The following MAP2 variants were observed in gnomAD, a reference collection of about 807,000 sequenced individuals.
The protein encoded by MAP2 is microtubule-associated protein 2.
MAP2 carries 14 observed loss-of-function variants against 137.6 expected under a neutral mutation model. That is an observed-to-expected ratio of 0.10 (90% confidence interval 0.07 to 0.16). The LOEUF (loss-of-function observed/expected upper bound fraction) is 0.16, where lower values mean the gene tolerates loss of function less well. MAP2 is among the 10% of genes least tolerant of loss of function. MAP2 has a pLI of 1.00. For synonymous variants in MAP2, 786 were observed against 782.3 expected (o/e 1.00, Z -0.08); for missense variants, 2,088 against 2,191.5 (o/e 0.95, Z 0.94).
At chr2:209,470,917 C>T (rs1575585441) in intron 1 of MAP2, among the ~76,000 whole-genome samples, 1 of 152,172 alleles carries the variant, frequency 6.6e-6, no homozygotes, top group South Asian at 2.1e-4. Flanking sequence ...TCCCATATCT[C>T]CTGAACATGC....
intron 1 of MAP2, among the ~76,000 whole-genome samples, chr2:209,498,800 C>G (rs549835539): frequency 2.0e-5 from 3 of 152,192 alleles, no homozygotes; most frequent in Middle Eastern, 3.2e-3. Context: ...TAAGGCTGTG[C>G]CAGGCAATGG....
intron 2 of MAP2, among the ~76,000 whole-genome samples, chr2:209,559,773 A>T (rs111756685): frequency 0.012 from 1,754 of 151,986 alleles, 33 homozygotes; most frequent in African/African-American, 0.041. Flanking sequence ...GTGCAACAAG[A>T]TGTCCAGAGA....
rs111869490 is a variant in MAP2, at chr2:209,729,765, G to A, written c.5156-85G>A. ...AAAGTTAATAAATTTGTGGTTTGCCGTAGTCTATCTACTGCAGTCATTTTT... is the reference window on the plus strand; with the variant it reads ...AAAGTTAATAAATTTGTGGTTTGCCATAGTCTATCTACTGCAGTCATTTTT... On this transcript the variant is annotated intron_variant, in intron 14 of 15. Coordinates refer to ENST00000682079, the MANE Select transcript of MAP2 (RefSeq NM_001375505.1). 2.3e-3 allele frequency: 1,823 copies of A among 806,316 alleles called. 26 individuals carry two copies. The African/African-American group carries it at 0.026, about 12-fold the overall frequency. The allele number at this position is 806,316 out of a possible 1,614,324, so 49.9% of individuals were successfully genotyped here.
At chr2:209,563,448 T>C (rs1450713408) in intron 2 of MAP2, among the ~76,000 whole-genome samples, 2 of 152,154 alleles carry the variant, frequency 1.3e-5, no homozygotes, top group Admixed American at 6.5e-5. Flanking sequence ...TATAAAAGAT[T>C]TTCATTGTTA....
At chr2:209,514,308 G>A (rs1410089720) in intron 2 of MAP2, among the ~76,000 whole-genome samples, 1 of 151,874 alleles carries the variant, frequency 6.6e-6, no homozygotes, top group Admixed American at 6.6e-5. Flanking sequence ...AGCTTCAAAT[G>A]TCTTTGGGGT....
intron 1 of MAP2, among the ~76,000 whole-genome samples, chr2:209,468,843 G>C (rs954255683): frequency 4.6e-5 from 7 of 152,114 alleles, no homozygotes; most frequent in African/African-American, 1.4e-4. Flanking sequence ...TAGTAGGTGA[G>C]GAAACAGGAG....
chr2:209,675,492 TG>T (rs1400081609), intron 5 of MAP2, among the ~76,000 whole-genome samples: 2 of 151,924 alleles, frequency 1.3e-5, no homozygotes, highest in Non-Finnish European at 2.9e-5. Context: ...TATACTGAAC[TG>T]GAGACAGGTA....
chr2:209,656,167 G>A (rs1307361370), intron 5 of MAP2, among the ~76,000 whole-genome samples: 2 of 151,952 alleles, frequency 1.3e-5, no homozygotes, highest in Non-Finnish European at 2.9e-5. Flanking sequence ...GTGTATCCTT[G>A]ATCTTATGCA....
intron 1 of MAP2, among the ~76,000 whole-genome samples, chr2:209,475,725 T>TA (rs1033710214): frequency 1.3e-5 from 2 of 152,140 alleles, no homozygotes; most frequent in African/African-American, 4.8e-5. Context: ...TCTTTGTATC[T>TA]ATGTATTCTA....
chr2:209,573,285 T>A (rs1397645827), intron 2 of MAP2, among the ~76,000 whole-genome samples: 4 of 149,726 alleles, frequency 2.7e-5, no homozygotes, highest in Admixed American at 6.6e-5. Flanking sequence ...CTTTTCTTTA[T>A]TTTTCTTTTT....
intron 13 of MAP2, chr2:209,723,780 C>G: frequency 1.2e-6 from 1 of 809,592 alleles, no homozygotes; most frequent in South Asian, 1.5e-5. Context: ...CTTTCCAACA[C>G]ACTGCTCCTT....
intron 5 of MAP2, among the ~76,000 whole-genome samples, chr2:209,676,379 C>T (rs1292597373): frequency 1.3e-5 from 2 of 151,468 alleles, no homozygotes; most frequent in African/African-American, 4.8e-5. Context: ...CACACTGGGG[C>T]CTATTGGAAG....
At chr2:209,665,552 TAA>T (rs1267494757) in intron 5 of MAP2, among the ~76,000 whole-genome samples, 3 of 152,218 alleles carry the variant, frequency 2.0e-5, no homozygotes, top group Admixed American at 1.3e-4. Flanking sequence ...TTGGATATTC[TAA>T]GTCATGGATT....
chr2:209,511,807 A>G (rs2061761551), intron 2 of MAP2, among the ~76,000 whole-genome samples: 1 of 152,076 alleles, frequency 6.6e-6, no homozygotes, highest in African/African-American at 2.4e-5. Flanking sequence ...CCTGGCTTAA[A>G]GCGATCCTCC....
rs147770023 is a variant in MAP2 at position 209,731,504 on chromosome 2, A to G, written c.*1107A>G. On this transcript the variant is annotated 3_prime_UTR_variant, in exon 16 of 16. Transcript: ENST00000682079. ...TTTGTGGGGGTGGGTCCAGTTATAC[A>G]TGAAAGGGTTTACAGATTGTTGGTT... The G allele has an allele frequency of 3.3e-5, 5 of 152,600 alleles. No homozygotes were observed. The highest frequency in any genetic ancestry group is 7.3e-5 in the Non-Finnish European group (5 of 68,040). 9.5% of individuals were successfully genotyped at this position (152,600 alleles called of 1,614,324 possible). A position where few individuals can be genotyped will look rare whatever the true frequency, so the allele number is the denominator to read the frequency against.
At chr2:209,718,076 C>G (rs2068492952) in intron 13 of MAP2, among the ~76,000 whole-genome samples, 1 of 152,148 alleles carries the variant, frequency 6.6e-6, no homozygotes, top group Non-Finnish European at 1.5e-5. Flanking sequence ...GTGAAAGCTA[C>G]TTAAGATCAG....
chr2:209,487,132 G>A (rs766088650), intron 1 of MAP2, among the ~76,000 whole-genome samples: 9 of 152,110 alleles, frequency 5.9e-5, no homozygotes, highest in Non-Finnish European at 1.0e-4. Flanking sequence ...CTCTTTTGGG[G>A]ATTTGCAATT....
Position 209,694,659 on chromosome 2 carries a change from G to A in MAP2, c.2489G>A (p.Arg830Lys), listed in dbSNP as rs1480327682. ...GTGAGTGCAGATGCTGAGGTTGCCA[G>A]GAGGAAATCAGTCCCATCAGAGACT... ...ASVSADAEVARRKSVPSETVV... is the reference protein window; with the variant it reads ...ASVSADAEVAKRKSVPSETVV... The change falls in exon 8 of 16, where the codon AGG becomes AAG. Residue 830 changes from arginine (R) to lysine (K), a missense_variant. By Grantham distance (26) the Arg-to-Lys change is conservative. Coordinates refer to ENST00000682079, the MANE Select transcript of MAP2 (RefSeq NM_001375505.1). 2 of 1,614,160 alleles carry A rather than the reference G, an allele frequency of 1.2e-6. No individual in the cohort carries two copies. Among genetic ancestry groups the A allele is most frequent in the Admixed American group, 3.3e-5 (2 of 60,012 alleles).
chr2:209,624,905 A>G (rs1346294525), intron 3 of MAP2, 148 bp from the exon 4 acceptor site: 1 of 152,208 alleles, frequency 6.6e-6, no homozygotes, highest in East Asian at 1.9e-4. Flanking sequence ...GTGTATGACC[A>G]CTATAAAGAA....
Sources: allele counts gnomAD v4.1 joint callset (sites outside exome capture counted in the v4.1 genomes callset), GRCh38; gene constraint gnomAD v4.1.1; transcripts MANE v1.5; gene names NCBI Gene and HGNC (gene_info 2026-07-23, HGNC 2026-07-21).